The following HTT variants were observed in gnomAD, a reference collection of about 807,000 sequenced individuals.
HTT encodes huntington disease protein.
HTT carries 104 observed loss-of-function variants against 362.3 expected under a neutral mutation model. The ratio of observed to expected loss-of-function variants is 0.29; its 90% CI spans 0.24 to 0.34. HTT has a LOEUF of 0.34. Ranked by LOEUF, HTT falls within the 10% of genes least tolerant of loss-of-function variation. The pLI is 1.00. For synonymous variants in HTT, 1,577 were observed against 1,548.7 expected, an observed-to-expected ratio of 1.02 and a Z score of -0.43; for missense variants, 3,301 against 3,928.6, an observed-to-expected ratio of 0.84 and a Z score of 4.27.
At chr4:3,220,090 G>A in intron 52 of HTT, 92 bp from the exon 53 acceptor site, 2 of 1,415,730 alleles carry the variant, frequency 1.4e-6, no homozygotes, top group Non-Finnish European at 2.0e-6. Context: ...TGAGGAGGGA[G>A]CCCAGTGGAG....
intron 40 of HTT, among the ~76,000 whole-genome samples, chr4:3,196,970 A>G (rs965807245): frequency 6.6e-6 from 1 of 151,958 alleles, no homozygotes; most frequent in African/African-American, 2.4e-5. Context: ...CTTGTTTCTC[A>G]AGCCATGGCA....
intron 42 of HTT, 123 bp downstream of exon 42, chr4:3,204,271 C>A: frequency 1.2e-6 from 1 of 864,258 alleles, no homozygotes; most frequent in Non-Finnish European, 1.8e-6. Flanking sequence ...CAAGCTCCAT[C>A]GAAACTAAAT....
chr4:3,233,435 C>T (rs897873296), intron 61 of HTT, 82 bp downstream of exon 61: 25 of 1,376,174 alleles, frequency 1.8e-5, no homozygotes, highest in Non-Finnish European at 2.5e-5. Context: ...TCCAAGTGCC[C>T]AGGCTCCTGG....
Position 3,131,648 on chromosome 4 carries a change from G to A in HTT, c.2109G>A (p.Pro703=), listed in dbSNP as rs374485750. Residue 703 remains proline, a synonymous_variant, in exon 16 of 67, where the codon CCG becomes CCA. Coordinates refer to ENST00000355072, the MANE Select transcript of HTT (RefSeq NM_001388492.1). ...GTGATTTCTTGGCAGTGCTGGTTCC[G>A]GACAGGGATGTGAGGGTCAGCGTGA... The part of the protein sequence containing the change: ...LLTGGKNVLV[P]DRDVRVSVKA... 5.5e-5 allele frequency: 88 copies of A among 1,613,054 alleles called. No homozygotes were observed. Among genetic ancestry groups the A allele is most frequent in the African/African-American group, 8.0e-5 (6 of 74,848 alleles).
chr4:3,134,837 C>T (rs1392831768), intron 19 of HTT, among the ~76,000 whole-genome samples: 1 of 152,158 alleles, frequency 6.6e-6, no homozygotes, highest in Non-Finnish European at 1.5e-5. Context: ...TCAAGTGGTC[C>T]TCCTGCCTCA....
In HTT at chr4:3,154,317, C is replaced by T. The variant is rs1367660053; in HGVS notation, c.3523C>T (p.Pro1175Ser). 2 of 1,602,880 alleles carry T rather than the reference C, an allele frequency of 1.2e-6. No homozygotes were observed. The highest frequency in any genetic ancestry group is 8.5e-7 in the Non-Finnish European group (1 of 1,174,394). Residue 1175 changes from proline (P) to serine (S), a missense_variant, in exon 27 of 67, where the codon CCC becomes TCC. Pro to Ser is a moderately conservative substitution (Grantham distance 74). Around this residue, in one of 4 missense-constraint regions of HTT, gnomAD observed 2,316 missense variants for 2,658.5 expected, o/e 0.87. Transcript: ENST00000355072. ...IKAALPSLTNPPSLSPIRRKG... is the reference protein window; with the variant it reads ...IKAALPSLTNSPSLSPIRRKG... ...GGCAGCCTTGCCTTCTCTAACAAAC[C>T]CCCCTTCTCTAAGTCCCATCCGACG...
intron 61 of HTT, among the ~76,000 whole-genome samples, chr4:3,234,391 G>A (rs1361521467): frequency 6.6e-6 from 1 of 152,260 alleles, no homozygotes; most frequent in Non-Finnish European, 1.5e-5. Context: ...GCTGGCAACT[G>A]TCTCTGCATC....
At chr4:3,171,253 C>T (rs1233820002) in intron 29 of HTT, among the ~76,000 whole-genome samples, 1 of 152,038 alleles carries the variant, frequency 6.6e-6, no homozygotes, top group Non-Finnish European at 1.5e-5. Flanking sequence ...GTATTTGAAA[C>T]CAACAAGAAT....
In HTT at chr4:3,186,378, T is replaced by C. The variant is rs546869365; in HGVS notation, c.4867-219T>C. Among the ~76,000 whole-genome samples the C allele has an allele frequency of 5.9e-5, 9 of 152,284 alleles. No homozygotes were observed. In the East Asian group the frequency reaches 9.6e-4, roughly 16 times the overall value. ...GCATTTATTATTTATGTAATAAAAA[T>C]CTAAATGACAAGATTTCTGTTATGG... On this transcript the variant is annotated intron_variant, in intron 37 of 66. Coordinates refer to ENST00000355072, the MANE Select transcript of HTT (RefSeq NM_001388492.1).
intron 26 of HTT, 49 bp from the exon 27 acceptor site, chr4:3,154,244 A>G: frequency 7.1e-7 from 1 of 1,415,828 alleles, no homozygotes; most frequent in African/African-American, 1.4e-5. Context: ...TTATACTTCC[A>G]TCACATGTTT....
At chr4:3,132,196 T>C (rs1715854566) in intron 16 of HTT, among the ~76,000 whole-genome samples, 1 of 152,200 alleles carries the variant, frequency 6.6e-6, no homozygotes, top group African/African-American at 2.4e-5. Context: ...TTCTCTCTTT[T>C]TCTTTGGGTG....
intron 41 of HTT, among the ~76,000 whole-genome samples, chr4:3,202,304 G>A (rs1222227452): frequency 1.3e-5 from 2 of 152,124 alleles, no homozygotes; most frequent in East Asian, 1.9e-4. Flanking sequence ...GCTACAAATT[G>A]GGGCTGAATT....
At chr4:3,219,535 A>G (rs1720579553) in intron 52 of HTT, among the ~76,000 whole-genome samples, 1 of 152,132 alleles carries the variant, frequency 6.6e-6, no homozygotes, top group Non-Finnish European at 1.5e-5. Context: ...GTGGTGAGGT[A>G]AGAGATTAGC....
intron 45 of HTT, among the ~76,000 whole-genome samples, chr4:3,207,940 G>A (rs534566979): frequency 2.6e-5 from 4 of 152,092 alleles, no homozygotes; most frequent in Non-Finnish European, 4.4e-5. Flanking sequence ...GGGGCGGGGT[G>A]GGGGGCAGGG....
chr4:3,146,640 T>G (rs1391907423), intron 24 of HTT, among the ~76,000 whole-genome samples, 157 bp from the exon 25 acceptor site: 1 of 152,228 alleles, frequency 6.6e-6, no homozygotes, highest in African/African-American at 2.4e-5. Flanking sequence ...GAGCTCTGAT[T>G]TATAGGAAAG....
intron 60 of HTT, among the ~76,000 whole-genome samples, chr4:3,232,137 C>T (rs1480815540): frequency 6.6e-6 from 1 of 152,078 alleles, no homozygotes; most frequent in African/African-American, 2.4e-5. Context: ...TAGGGAGGGG[C>T]CGTGTGGCGT....
chr4:3,223,333 A>C, intron 54 of HTT, 73 bp from the exon 55 acceptor site: 2 of 1,417,592 alleles, frequency 1.4e-6, no homozygotes, highest in Non-Finnish European at 1.9e-6. Context: ...GGCAGGGAAG[A>C]CTCTGGGTTC....
At chr4:3,098,868 G>C (rs928270072) in intron 2 of HTT, among the ~76,000 whole-genome samples, 2 of 152,204 alleles carry the variant, frequency 1.3e-5, no homozygotes, top group African/African-American at 4.8e-5. Flanking sequence ...GAAAGCAGTG[G>C]GTTGTCTAGG....
chr4:3,107,221 G>T, intron 5 of HTT, 64 bp from the exon 6 acceptor site: 2 of 1,566,794 alleles, frequency 1.3e-6, no homozygotes, highest in East Asian at 2.3e-5. Context: ...AACAGGGAAT[G>T]AATTGCTTCT....
Sources: gnomAD v4.1 joint callset for allele counts (sites outside exome capture counted in the v4.1 genomes callset) on GRCh38, gnomAD v4.1.1 for gene constraint, gnomAD v4.1.1 regional missense constraint, MANE v1.5 for transcripts, NCBI Gene and HGNC (gene_info 2026-07-23, HGNC 2026-07-21) for gene names.